Variants in SGCZ observed in about 807,000 individuals in gnomAD.
SGCZ encodes sarcoglycan zeta.
Under a neutral mutation model 41.3 loss-of-function variants are expected in SGCZ, and 40 were observed. The observed-to-expected ratio is 0.97, with a 90% CI of 0.75 to 1.26. The LOEUF is 1.26. SGCZ is among the 50% of genes most tolerant of loss of function. The pLI, the probability that SGCZ is intolerant of heterozygous loss-of-function variation, is 0.00. For missense variants in SGCZ, 552 were observed against 369.8 expected (o/e 1.49, Z -4.04); for synonymous variants, 206 against 137.5 (o/e 1.50, Z -3.49).
At chr8:14,729,075 T>A (rs1234053400) in intron 1 of SGCZ, among the ~76,000 whole-genome samples, 1 of 152,192 alleles carries the variant, frequency 6.6e-6, no homozygotes, top group African/African-American at 2.4e-5. Flanking sequence ...TTAAAATTCA[T>A]ATTACCATGT....
intron 1 of SGCZ, among the ~76,000 whole-genome samples, chr8:15,063,881 C>A (rs76964425): frequency 0.067 from 10,170 of 152,154 alleles, 482 homozygotes; most frequent in African/African-American, 0.12. Context: ...TAGGTCATTT[C>A]ATGCCTAAGG....
chr8:14,908,237 C>T (rs1297476056), intron 1 of SGCZ, among the ~76,000 whole-genome samples: 1 of 151,964 alleles, frequency 6.6e-6, no homozygotes, highest in African/African-American at 2.4e-5. Context: ...TCTAAATTAC[C>T]TCAATTGGTC....
intron 2 of SGCZ, among the ~76,000 whole-genome samples, chr8:14,392,395 G>A (rs1804808468): frequency 2.0e-5 from 3 of 152,118 alleles, no homozygotes; most frequent in Non-Finnish European, 2.9e-5. Context: ...AATCATCACT[G>A]AACTGAGGAG....
At chr8:14,492,828 A>G (rs915318059) in intron 2 of SGCZ, among the ~76,000 whole-genome samples, 3 of 152,180 alleles carry the variant, frequency 2.0e-5, no homozygotes, top group African/African-American at 7.2e-5. Context: ...CCAGAAAATG[A>G]TATCAACCTC....
intron 1 of SGCZ, among the ~76,000 whole-genome samples, chr8:14,998,137 G>A (rs1198823335): frequency 6.6e-6 from 1 of 152,138 alleles, no homozygotes; most frequent in Non-Finnish European, 1.5e-5. Context: ...AATAGTGTAG[G>A]TAGCACGAAA....
intron 1 of SGCZ, among the ~76,000 whole-genome samples, chr8:14,724,948 G>C (rs563630795): frequency 6.6e-6 from 1 of 151,722 alleles, no homozygotes; most frequent in South Asian, 2.1e-4. Context: ...CTTATTCCTT[G>C]TAACTGTACT....
chr8:15,193,663 C>T (rs1004229677), intron 1 of SGCZ, among the ~76,000 whole-genome samples: 1 of 151,292 alleles, frequency 6.6e-6, no homozygotes, highest in African/African-American at 2.5e-5. Flanking sequence ...TCTCTTACAA[C>T]TGCAATTTCT....
intron 1 of SGCZ, among the ~76,000 whole-genome samples, chr8:14,931,211 AC>A (rs1799914613): frequency 6.6e-6 from 1 of 151,980 alleles, no homozygotes; most frequent in South Asian, 2.1e-4. Flanking sequence ...ATCTGCACTT[AC>A]CATTTAATCA....
At chr8:14,812,001 G>T (rs1315105521) in intron 1 of SGCZ, among the ~76,000 whole-genome samples, 2 of 152,082 alleles carry the variant, frequency 1.3e-5, no homozygotes, top group East Asian at 3.9e-4. Context: ...CTCAGGAATG[G>T]GTATGGGATG....
intron 1 of SGCZ, among the ~76,000 whole-genome samples, chr8:14,969,251 G>A (rs370537893): frequency 9.2e-5 from 14 of 151,986 alleles, no homozygotes; most frequent in Non-Finnish European, 1.5e-4. Context: ...GGGTGTCCAC[G>A]AGATATTAAA....
chr8:14,363,078 G>A (rs962232199), intron 2 of SGCZ, among the ~76,000 whole-genome samples: 1 of 152,112 alleles, frequency 6.6e-6, no homozygotes, highest in Non-Finnish European at 1.5e-5. Context: ...CTGGAGGAAA[G>A]AGAGAATGTA....
intron 1 of SGCZ, among the ~76,000 whole-genome samples, chr8:14,775,813 A>G (rs1800385397): frequency 6.6e-6 from 1 of 152,198 alleles, no homozygotes; most frequent in Non-Finnish European, 1.5e-5. Flanking sequence ...ATTGATATGT[A>G]AAAATGGAAG....
chr8:14,617,648 A>G (rs1393359755), intron 1 of SGCZ, among the ~76,000 whole-genome samples: 1 of 152,168 alleles, frequency 6.6e-6, no homozygotes, highest in African/African-American at 2.4e-5. Context: ...TAATCCAGGG[A>G]AAATGTCCAG....
chr8:14,819,662 C>T (rs1347651270), intron 1 of SGCZ, among the ~76,000 whole-genome samples: 5 of 152,160 alleles, frequency 3.3e-5, no homozygotes, highest in East Asian at 1.9e-4. Context: ...AAAACAATAG[C>T]TCCAAGTAGT....
At chr8:14,585,438 C>T (rs1003249407) in intron 1 of SGCZ, among the ~76,000 whole-genome samples, 1 of 151,874 alleles carries the variant, frequency 6.6e-6, no homozygotes, top group Non-Finnish European at 1.5e-5. Flanking sequence ...TTTCTATTTT[C>T]ATTGTAGGGC....
At chr8:14,346,167 A>G (rs1290352660) in intron 2 of SGCZ, among the ~76,000 whole-genome samples, 3 of 152,098 alleles carry the variant, frequency 2.0e-5, no homozygotes, top group Non-Finnish European at 4.4e-5. Flanking sequence ...CAATAATACA[A>G]TACGTTACTA....
intron 2 of SGCZ, among the ~76,000 whole-genome samples, chr8:14,398,300 G>A (rs890434724): frequency 6.6e-6 from 1 of 152,076 alleles, no homozygotes; most frequent in African/African-American, 2.4e-5. Context: ...CTATTCCTTA[G>A]CAACATTGCT....
At chr8:14,678,890 A>G (rs1453653649) in intron 1 of SGCZ, among the ~76,000 whole-genome samples, 1 of 152,200 alleles carries the variant, frequency 6.6e-6, no homozygotes, top group Non-Finnish European at 1.5e-5. Context: ...GATATAGAGA[A>G]AACTTAAGTG....
At chr8:15,000,637 G>C (rs191258893) in intron 1 of SGCZ, among the ~76,000 whole-genome samples, 1 of 152,238 alleles carries the variant, frequency 6.6e-6, no homozygotes, top group African/African-American at 2.4e-5. Context: ...AAGAACAGAG[G>C]AGATGGCACC....
Sources: allele counts gnomAD v4.1 joint callset (sites outside exome capture counted in the v4.1 genomes callset), GRCh38; gene constraint gnomAD v4.1.1; transcripts MANE v1.5; gene names NCBI Gene and HGNC (gene_info 2026-07-23, HGNC 2026-07-21).